Variants in SYTL1 observed in about 807,000 individuals in gnomAD.
SYTL1 encodes synaptotagmin-like protein 1.
In SYTL1, 53 loss-of-function variants were observed where a neutral mutation model predicts 74.6. The ratio of observed to expected loss-of-function variants is 0.71; its 90% CI spans 0.57 to 0.89. The LOEUF (loss-of-function observed/expected upper bound fraction) is 0.89. SYTL1 is among the 40% of genes least tolerant of loss of function. The probability of loss-of-function intolerance (pLI) is 0.00; values close to 1 mark genes in which losing one functional copy is unlikely to be tolerated. For synonymous variants in SYTL1, 329 were observed against 324.9 expected (o/e 1.01, Z -0.14); for missense variants, 728 against 768.7 (o/e 0.95, Z 0.63).
In SYTL1 at chr1:27,353,848, C is replaced by T. The variant is rs746317589; in HGVS notation, c.1685C>T (p.Thr562Met). Reference sequence around the variant, plus strand: ...CTCAGAACCAACCTGGCCCCCAGGACGTAGCCCCACCAAGCCTCTCTCTCT... The same window carrying T: ...CTCAGAACCAACCTGGCCCCCAGGATGTAGCCCCACCAAGCCTCTCTCTCT... ...LPLRTNLAPR[T>M] The change falls in exon 15 of 15, where the codon ACG becomes ATG. Residue 562 changes from threonine (T) to methionine (M), a missense_variant. Coordinates refer to ENST00000616558, the MANE Select transcript of SYTL1 (RefSeq NM_001193308.2). The T allele has an allele frequency of 2.0e-5, 33 of 1,612,488 alleles. No individual in the cohort carries two copies. Among genetic ancestry groups the T allele is most frequent in the East Asian group, 1.3e-4 (6 of 44,876 alleles).
Position 27,351,301 on chromosome 1 carries a change from C to T in SYTL1, c.1208C>T (p.Ala403Val), listed in dbSNP as rs2015263154. The T allele has an allele frequency of 3.2e-6, 5 of 1,563,356 alleles. No homozygotes were observed. The highest frequency in any genetic ancestry group is 2.7e-5 in the African/African-American group (2 of 73,928). The change falls in exon 12 of 15, where the codon GCC becomes GTC. Residue 403 changes from alanine to valine, a missense_variant. Ala to Val is a moderately conservative substitution (Grantham distance 64). Transcript: ENST00000616558. This position sits in a 1 kb window ranked among gnomAD's most constrained non-coding sequence, Gnocchi z 5.0. ...PDDLPSRGLLALSLKYVPAGS... is the reference protein window; with the variant it reads ...PDDLPSRGLLVLSLKYVPAGS... ...GACCTTCCGAGCCGCGGGTTACTCG[C>T]CCTGTCCCTCAAGTACGTCCCCGCC... is the stretch of plus-strand genomic sequence containing the variant.
Position 27,345,497 on chromosome 1 carries a change from C to G in SYTL1, c.163C>G (p.Leu55Val). 1 of 1,557,144 alleles carries G rather than the reference C, an allele frequency of 6.4e-7. No individual in the cohort carries two copies. Among genetic ancestry groups the G allele is most frequent in the South Asian group, 1.2e-5 (1 of 84,328 alleles). The change falls in exon 2 of 15, where the codon CTG becomes GTG. Residue 55 changes from leucine (L) to valine (V), a missense_variant. Leu to Val is a conservative substitution (Grantham distance 32). Coordinates refer to ENST00000616558, the MANE Select transcript of SYTL1 (RefSeq NM_001193308.2). The surrounding 1 kb of genome is among the most constrained non-coding windows in gnomAD (Gnocchi z 6.0). Reference protein sequence around the residue: ...IAGVLQRDARLRQLEEGRVSK... With the variant: ...IAGVLQRDARVRQLEEGRVSK... ...TGGCGTCCTCCAACGAGATGCCCGCCTGCGCCAGCTGGAGGAGGGGCGGGT... is the reference window on the plus strand; with the variant it reads ...TGGCGTCCTCCAACGAGATGCCCGCGTGCGCCAGCTGGAGGAGGGGCGGGT...
At chr1:27,346,994 C>T (rs969421773) in intron 2 of SYTL1, among the ~76,000 whole-genome samples, 9 of 151,914 alleles carry the variant, frequency 5.9e-5, no homozygotes, top group African/African-American at 2.2e-4. Flanking sequence ...TGGTGGCACA[C>T]GCCTGTAGTC....
Position 27,347,333 on chromosome 1 carries a change from GC to G in SYTL1, c.192-84del. 2 of 1,574,432 alleles carry G rather than the reference GC, an allele frequency of 1.3e-6. No individual in the cohort carries two copies. The highest frequency in any genetic ancestry group is 2.3e-5 in the South Asian group (2 of 88,114). ...AGTCTGATTTGCTGTTGGGTCCCTG[GC>G]CCCTGGTCCCAAGCCTGTTAACAAT... On this transcript the variant is annotated intron_variant, in intron 2 of 14. Transcript: ENST00000616558. The surrounding 1 kb of genome is among the most constrained non-coding windows in gnomAD (Gnocchi z 4.9).
chr1:27,350,759 G>T lies in SYTL1; in HGVS notation c.1006-35G>T, dbSNP rs1171052680. ...CGCGCAGCATCTACGCGGGCCACCA[G>T]CAGTGCTCCACTAAAGCTCACCTCC... On this transcript the variant is annotated intron_variant, in intron 10 of 14. Transcript: ENST00000616558. The surrounding 1 kb of genome is among the most constrained non-coding windows in gnomAD (Gnocchi z 6.3). 6.2e-7 allele frequency: 1 copy of T among 1,607,220 alleles called. No individual in the cohort carries two copies. The highest frequency in any genetic ancestry group is 8.5e-7 in the Non-Finnish European group (1 of 1,175,070).
rs2015244180 is a variant in SYTL1, at chr1:27,350,946, GC to G, written c.1162del (p.Arg388GlyfsTer41). 1 of 1,612,920 alleles carries G rather than the reference GC, an allele frequency of 6.2e-7. No homozygotes were observed. Among genetic ancestry groups the G allele is most frequent in the East Asian group, 2.2e-5 (1 of 44,834 alleles). ...GSEPTWLPLQPRVPPSPDDLP... is the reference protein window; with the variant it reads ...GSEPTWLPLQXRVPPSPDDLP... ...CTGAGCCCACCTGGCTCCCCCTGCA[GC>G]CCCGGGTGAGGCAGCCAGGCCGCGT... On this transcript the variant is annotated frameshift_variant, in exon 11 of 15. Transcript: ENST00000616558. LOFTEE classifies it high-confidence loss of function. This position sits in a 1 kb window ranked among gnomAD's most constrained non-coding sequence, Gnocchi z 6.3.
chr1:27,344,429 G>A (rs565894902), intron 1 of SYTL1, among the ~76,000 whole-genome samples: 1 of 151,436 alleles, frequency 6.6e-6, no homozygotes, highest in Admixed American at 6.6e-5. Context: ...TAGTAGAGAA[G>A]GGGGTTTCAC....
At position 27,350,921 on chromosome 1, in the gene SYTL1, C is replaced by G; in HGVS notation, c.1133C>G (p.Ser378Cys). Residue 378 changes from serine to cysteine, a missense_variant, in exon 11 of 15, where the codon TCT becomes TGT. Coordinates refer to ENST00000616558, the MANE Select transcript of SYTL1 (RefSeq NM_001193308.2). This position sits in a 1 kb window ranked among gnomAD's most constrained non-coding sequence, Gnocchi z 6.3. ...EVPLDTWDWG[S>C]EPTWLPLQPR... ...CCCCTGGACACGTGGGACTGGGGCT[C>G]TGAGCCCACCTGGCTCCCCCTGCAG... The G allele has an allele frequency of 6.2e-7, 1 of 1,613,422 alleles. No individual in the cohort carries two copies. Among genetic ancestry groups the G allele is most frequent in the Non-Finnish European group, 8.5e-7 (1 of 1,179,934 alleles).
chr1:27,349,740 CGGT>C lies in SYTL1; in HGVS notation c.724_726del (p.Val242del). ...GACCGCATGCTCAGCAGCAGCTCCT[CGGT>C]GTCCAGCCTTAACTCCTCCACGGTG... is the stretch of plus-strand genomic sequence containing the variant. On this transcript the variant is annotated inframe_deletion, in exon 8 of 15. Coordinates refer to ENST00000616558, the MANE Select transcript of SYTL1 (RefSeq NM_001193308.2). 1 of 1,606,948 alleles carries C rather than the reference CGGT, an allele frequency of 6.2e-7. No individual in the cohort carries two copies. Among genetic ancestry groups the C allele is most frequent in the East Asian group, 2.2e-5 (1 of 44,758 alleles).
At position 27,342,692 on chromosome 1, in the gene SYTL1, ATG is replaced by A. The variant is rs2014823197; in HGVS notation, c.-39+543_-39+544del. On this transcript the variant is annotated intron_variant, in intron 1 of 14. Transcript: ENST00000616558. The surrounding 1 kb of genome is among the most constrained non-coding windows in gnomAD (Gnocchi z 4.7). ...ACACCACACAGACAATATAGTCACC[ATG>A]CAGCATCACACTGCAACAGGACACA... 6.6e-6 allele frequency among the ~76,000 whole-genome samples: 1 copy of A among 152,092 alleles called. No homozygotes were observed. The highest frequency in any genetic ancestry group is 2.4e-5 in the African/African-American group (1 of 41,436).
intron 13 of SYTL1, 75 bp from the exon 14 acceptor site, chr1:27,353,208 G>A (rs1405784251): frequency 7.0e-7 from 1 of 1,424,620 alleles, no homozygotes; most frequent in South Asian, 1.3e-5. Context: ...GAGAGAGAAT[G>A]AGTGGGACGT....
Position 27,348,049 on chromosome 1 carries a change from T to C in SYTL1, c.459+37T>C, listed in dbSNP as rs754079282. ...AGCCAACATGTGAGTACAGTGTCCC[T>C]GGAGGGGAGGTGGAATGTGCAGGGG... On this transcript the variant is annotated intron_variant, in intron 5 of 14. Coordinates refer to ENST00000616558, the MANE Select transcript of SYTL1 (RefSeq NM_001193308.2). This position sits in a 1 kb window ranked among gnomAD's most constrained non-coding sequence, Gnocchi z 4.1. 6.2e-7 allele frequency: 1 copy of C among 1,606,148 alleles called. No homozygotes were observed. Among genetic ancestry groups the C allele is most frequent in the Non-Finnish European group, 8.5e-7 (1 of 1,172,986 alleles).
At chr1:27,353,549 T>C in intron 14 of SYTL1, 61 bp downstream of exon 14, 1 of 1,547,430 alleles carries the variant, frequency 6.5e-7, no homozygotes, top group Non-Finnish European at 8.8e-7. Context: ...GGGGGCTCAG[T>C]GTGTGGCCCT....
At chr1:27,352,111 G>GGGTGGATCACCTGAGGTC (rs1451011982) in intron 13 of SYTL1, 2 of 152,168 alleles carry the variant, frequency 1.3e-5, no homozygotes, top group African/African-American at 4.8e-5. Context: ...AGGCTGAGGC[G>GGGTGGATCACCTGAGGTC]GGTGGATCAC....
intron 8 of SYTL1, 44 bp downstream of exon 8, chr1:27,349,809 C>G (rs1340978422): frequency 1.3e-6 from 2 of 1,552,378 alleles, no homozygotes; most frequent in Non-Finnish European, 1.7e-6. Flanking sequence ...GGGGTGGACC[C>G]GTTCCGATGC....
Position 27,351,540 on chromosome 1 carries a change from A to G in SYTL1, c.1328A>G (p.Asp443Gly), listed in dbSNP as rs1484462534. ...CTGCCGCTGCGGGCAGGATCCCTGG[A>G]CACTTACGTACAATGGTGAGGAGTG... Reference protein sequence around the residue: ...DLLPLRAGSLDTYVQCFVLPD... With the variant: ...DLLPLRAGSLGTYVQCFVLPD... The change falls in exon 13 of 15, where the codon GAC becomes GGC. Residue 443 changes from aspartate to glycine, a missense_variant. By Grantham distance (94) the Asp-to-Gly change is moderately conservative. Transcript: ENST00000616558. The surrounding 1 kb of genome is among the most constrained non-coding windows in gnomAD (Gnocchi z 5.0). The G allele has an allele frequency of 2.6e-6, 4 of 1,545,950 alleles. No homozygotes were observed. In the East Asian group the frequency reaches 9.8e-5, roughly 38 times the overall value.
Position 27,350,960 on chromosome 1 carries a change from A to C in SYTL1, c.1164+8A>C, listed in dbSNP as rs375983744. ...CTCCCCCTGCAGCCCCGGGTGAGGC[A>C]GCCAGGCCGCGTGGGGAGACCTGCG... is the stretch of plus-strand genomic sequence containing the variant. On this transcript the variant is annotated splice_region_variant and intron_variant, in intron 11 of 14. Transcript: ENST00000616558. This position sits in a 1 kb window ranked among gnomAD's most constrained non-coding sequence, Gnocchi z 6.3. 454 of 1,612,388 alleles carry C rather than the reference A, an allele frequency of 2.8e-4. 1 individual carries two copies. The highest frequency in any genetic ancestry group is 3.6e-4 in the Non-Finnish European group (420 of 1,179,696).
intron 13 of SYTL1, chr1:27,352,443 A>G (rs1382017725): frequency 6.6e-6 from 1 of 152,190 alleles, no homozygotes; most frequent in Non-Finnish European, 1.5e-5. Flanking sequence ...ACTGCATTTC[A>G]GAGACATTGC....
chr1:27,350,631 C>A lies in SYTL1; in HGVS notation c.1005+146C>A. 1 of 1,057,718 alleles carries A rather than the reference C, an allele frequency of 9.5e-7. No homozygotes were observed. Among genetic ancestry groups the A allele is most frequent in the Non-Finnish European group, 1.4e-6 (1 of 726,460 alleles). The allele number at this position is 1,057,718 out of a possible 1,614,324, so 65.5% of individuals were successfully genotyped here. ...TAACTCGTTATCCAGTGTTGTCAGC[C>A]TCGTGGTGGGCGTGGTGATAGTGCA... On this transcript the variant is annotated intron_variant, in intron 10 of 14. Coordinates refer to ENST00000616558, the MANE Select transcript of SYTL1 (RefSeq NM_001193308.2). The surrounding 1 kb of genome is among the most constrained non-coding windows in gnomAD (Gnocchi z 6.3).
Sources: gnomAD v4.1 joint callset for allele counts (sites outside exome capture counted in the v4.1 genomes callset) on GRCh38, gnomAD v4.1.1 for gene constraint, Gnocchi (gnomAD v3.1) non-coding constraint, MANE v1.5 for transcripts, NCBI Gene and HGNC (gene_info 2026-07-23, HGNC 2026-07-21) for gene names.